Variants in TOX observed in about 807,000 individuals in gnomAD.
The protein encoded by TOX is thymocyte selection associated high mobility group box.
TOX carries 11 observed loss-of-function variants against 53.7 expected under a neutral mutation model. The ratio of observed to expected loss-of-function variants is 0.20; its 90% CI spans 0.13 to 0.34. TOX has a LOEUF of 0.34. Ranked by LOEUF, TOX falls within the 10% of genes least tolerant of loss-of-function variation. The pLI is 1.00. For synonymous variants in TOX, 225 were observed against 245.3 expected, an observed-to-expected ratio of 0.92 and a Z score of 0.77; for missense variants, 570 against 664.6, an observed-to-expected ratio of 0.86 and a Z score of 1.56.
chr8:59,000,842 A>G (rs1055398933), intron 1 of TOX, among the ~76,000 whole-genome samples: 1 of 152,296 alleles, frequency 6.6e-6, no homozygotes, highest in African/African-American at 2.4e-5. Flanking sequence ...CATGACTCTC[A>G]TAATAAAAAT....
chr8:58,924,184 A>G (rs1812118197), intron 3 of TOX, among the ~76,000 whole-genome samples: 2 of 152,236 alleles, frequency 1.3e-5, no homozygotes, highest in Admixed American at 1.3e-4. Context: ...TCATGCATCA[A>G]ACATCTTGCT....
chr8:58,872,750 G>T (rs1811219016), intron 3 of TOX, among the ~76,000 whole-genome samples: 1 of 152,132 alleles, frequency 6.6e-6, no homozygotes, highest in South Asian at 2.1e-4. Context: ...TGCCTCAACT[G>T]AGAAGAGTCT....
chr8:58,994,995 T>C (rs920308549), intron 1 of TOX, among the ~76,000 whole-genome samples: 1 of 152,226 alleles, frequency 6.6e-6, no homozygotes, highest in Non-Finnish European at 1.5e-5. Flanking sequence ...TAAGTGTCAA[T>C]AAAGTGTTCA....
At chr8:59,111,754 A>G (rs927361286) in intron 1 of TOX, among the ~76,000 whole-genome samples, 1 of 152,322 alleles carries the variant, frequency 6.6e-6, no homozygotes, top group South Asian at 2.1e-4. Flanking sequence ...CACCCAAAAT[A>G]CATTCTATTT....
rs769999660 is a variant in TOX at position 59,010,667 on chromosome 8, C to T, written c.103-50659G>A. 3.3e-5 allele frequency among the ~76,000 whole-genome samples: 5 copies of T among 152,116 alleles called. No homozygotes were observed. The East Asian group carries it at 7.7e-4, about 23-fold the overall frequency. ...TTTCAACAAAACTGGGATAATAATA[C>T]CTACCACATAGTGTTATCATGAGGA... On this transcript the variant is annotated intron_variant, in intron 1 of 8. Coordinates refer to ENST00000361421, the MANE Select transcript of TOX (RefSeq NM_014729.3).
chr8:59,077,910 TGTAGTAA>T (rs1804320852), intron 1 of TOX, among the ~76,000 whole-genome samples: 1 of 152,134 alleles, frequency 6.6e-6, no homozygotes, highest in Non-Finnish European at 1.5e-5. Flanking sequence ...AAATGTGAAA[TGTAGTAA>T]GTGGCAACTT....
intron 3 of TOX, among the ~76,000 whole-genome samples, chr8:58,867,350 G>T (rs575883229): frequency 6.6e-6 from 1 of 152,142 alleles, no homozygotes; most frequent in African/African-American, 2.4e-5. Context: ...AGCCCCAAAC[G>T]CTCATTGTCT....
intron 1 of TOX, among the ~76,000 whole-genome samples, chr8:59,016,975 G>T (rs1261960264): frequency 3.3e-5 from 5 of 152,152 alleles, no homozygotes; most frequent in African/African-American, 1.2e-4. Context: ...TAGCATGAAG[G>T]TTAATAACTT....
chr8:58,967,032 G>A (rs907173438), intron 1 of TOX, among the ~76,000 whole-genome samples: 3 of 151,750 alleles, frequency 2.0e-5, no homozygotes, highest in Admixed American at 1.3e-4. Flanking sequence ...CCGCCACCAC[G>A]CCCGGCTAAT....
intron 1 of TOX, among the ~76,000 whole-genome samples, chr8:58,968,574 C>A (rs1448092960): frequency 6.6e-6 from 1 of 152,158 alleles, no homozygotes; most frequent in African/African-American, 2.4e-5. Context: ...TCAGCTCTCA[C>A]CTCATTTACC....
At chr8:58,933,857 CCT>C (rs1812300831) in intron 3 of TOX, among the ~76,000 whole-genome samples, 1 of 152,110 alleles carries the variant, frequency 6.6e-6, no homozygotes, top group African/African-American at 2.4e-5. Flanking sequence ...GCACCCCACC[CCT>C]GACACCACTC....
intron 5 of TOX, 97 bp downstream of exon 5, chr8:58,837,983 TG>T: frequency 8.8e-7 from 1 of 1,138,756 alleles, no homozygotes; most frequent in Non-Finnish European, 1.3e-6. Flanking sequence ...GCGTCTGTTC[TG>T]GGATCTAAAG....
At chr8:58,842,020 A>C (rs993747781) in intron 4 of TOX, among the ~76,000 whole-genome samples, 1 of 152,212 alleles carries the variant, frequency 6.6e-6, no homozygotes, top group Admixed American at 6.5e-5. Context: ...CATAGAGATA[A>C]ATTTCCTATC....
Position 59,107,052 on chromosome 8 carries a change from G to A in TOX, c.102+11834C>T, listed in dbSNP as rs75539497. Among the ~76,000 whole-genome samples, 4 of 133,938 alleles carry A rather than the reference G, an allele frequency of 3.0e-5. 1 individual carries two copies. Among genetic ancestry groups the A allele is most frequent in the Non-Finnish European group, 6.4e-5 (4 of 62,752 alleles). 87.9% of individuals were successfully genotyped at this position (133,938 alleles called of 152,430 possible). A position where few individuals can be genotyped will look rare whatever the true frequency, so the allele number is the denominator to read the frequency against. ...ATCTTATAAAGCAGTTTGCTGGGGGGGGGGGGAACGTGACATTTCTAATTC... is the reference window on the plus strand; with the variant it reads ...ATCTTATAAAGCAGTTTGCTGGGGGAGGGGGGAACGTGACATTTCTAATTC... On this transcript the variant is annotated intron_variant, in intron 1 of 8. Coordinates refer to ENST00000361421, the MANE Select transcript of TOX (RefSeq NM_014729.3).
rs1047676106 is a variant in TOX, at chr8:58,972,534, A to G, written c.103-12526T>C. Among the ~76,000 whole-genome samples the G allele has an allele frequency of 3.9e-5, 6 of 152,212 alleles. No homozygotes were observed. In the East Asian group the frequency reaches 9.6e-4, roughly 24 times the overall value. On this transcript the variant is annotated intron_variant, in intron 1 of 8. Coordinates refer to ENST00000361421, the MANE Select transcript of TOX (RefSeq NM_014729.3). The stretch of plus-strand genomic sequence containing the variant: ...TACGACATAGGATGATATGTCTCCT[A>G]TAACATTTTAGTATCCATAGCTTAT...
At chr8:59,104,217 C>T (rs1804855792) in intron 1 of TOX, among the ~76,000 whole-genome samples, 1 of 152,184 alleles carries the variant, frequency 6.6e-6, no homozygotes, top group Non-Finnish European at 1.5e-5. Flanking sequence ...ATTATCTCTA[C>T]ATTGGCAGCA....
rs755315892 is a variant in TOX, at chr8:58,808,160, G to A, written c.1502C>T (p.Pro501Leu). 2 of 1,614,072 alleles carry A rather than the reference G, an allele frequency of 1.2e-6. No individual in the cohort carries two copies. The highest frequency in any genetic ancestry group is 4.5e-5 in the East Asian group (2 of 44,878). Residue 501 changes from proline (P) to leucine (L), a missense_variant, in exon 8 of 9, where the codon CCC becomes CTC. Pro to Leu is a moderately conservative substitution (Grantham distance 98). This residue lies in a region of TOX where 239 missense variants were observed against 250.7 expected (regional missense o/e 0.95). Transcript: ENST00000361421. Reference protein sequence around the residue: ...EYVRSGCRNPPPQPVDWNNDY... With the variant: ...EYVRSGCRNPLPQPVDWNNDY... ...GTTATTCCAGTCCACCGGTTGTGGG[G>A]GAGGATTTCTGCACCCCGAACGCAC...
chr8:58,897,751 TTGAACCG>T (rs1176095145), intron 3 of TOX, among the ~76,000 whole-genome samples: 1 of 152,086 alleles, frequency 6.6e-6, no homozygotes, highest in Non-Finnish European at 1.5e-5. Flanking sequence ...ACAATTGTTG[TTGAACCG>T]TGAATGTAAT....
chr8:59,107,192 A>C (rs932364948), intron 1 of TOX, among the ~76,000 whole-genome samples: 1 of 152,136 alleles, frequency 6.6e-6, no homozygotes, highest in African/African-American at 2.4e-5. Context: ...TTTTTTAATC[A>C]TGAAAAGAAT....
Sources: gnomAD v4.1 joint callset for allele counts (sites outside exome capture counted in the v4.1 genomes callset) on GRCh38, gnomAD v4.1.1 for gene constraint, gnomAD v4.1.1 regional missense constraint, MANE v1.5 for transcripts, NCBI Gene and HGNC (gene_info 2026-07-23, HGNC 2026-07-21) for gene names.